The following TUBGCP3 variants were observed in gnomAD, a reference collection of about 807,000 sequenced individuals.
TUBGCP3 encodes the protein gamma-tubulin complex component 3.
A neutral mutation model predicts 123.1 loss-of-function variants in TUBGCP3; 50 were observed. The observed-to-expected ratio is 0.41, with a 90% confidence interval of 0.32 to 0.51. The LOEUF (loss-of-function observed/expected upper bound fraction) is 0.51. TUBGCP3 is among the 20% of genes least tolerant of loss of function. TUBGCP3 has a pLI of 0.36. For synonymous variants in TUBGCP3, 405 were observed against 413.9 expected (o/e 0.98, Z 0.26); for missense variants, 882 against 1,127.0 (o/e 0.78, Z 3.11).
chr13:112,530,980 C>G (rs1877526135), intron 11 of TUBGCP3, among the ~76,000 whole-genome samples: 1 of 152,172 alleles, frequency 6.6e-6, no homozygotes, highest in Non-Finnish European at 1.5e-5. Context: ...TCAAGTAATT[C>G]TAGCCAAATA....
intron 3 of TUBGCP3, 83 bp downstream of exon 3, chr13:112,565,028 C>T: frequency 8.2e-7 from 1 of 1,212,728 alleles, no homozygotes; most frequent in Non-Finnish European, 1.1e-6. Flanking sequence ...AATATGATAC[C>T]ACAAAAAACA....
At chr13:112,539,538 T>C (rs1271254147) in intron 11 of TUBGCP3, among the ~76,000 whole-genome samples, 2 of 152,230 alleles carry the variant, frequency 1.3e-5, no homozygotes, top group Non-Finnish European at 2.9e-5. Context: ...GCAAAATTAG[T>C]GAAGCAAACA....
At chr13:112,497,054 G>A (rs1880578552) in intron 20 of TUBGCP3, among the ~76,000 whole-genome samples, 1 of 152,170 alleles carries the variant, frequency 6.6e-6, no homozygotes, top group African/African-American at 2.4e-5. Flanking sequence ...CTCTAGAAGG[G>A]AAGCTTCTTG....
chr13:112,562,619 A>C (rs1594205514), intron 3 of TUBGCP3, among the ~76,000 whole-genome samples: 1 of 152,254 alleles, frequency 6.6e-6, no homozygotes, highest in South Asian at 2.1e-4. Context: ...GAGAGCACAG[A>C]GTGGGCAGGA....
chr13:112,558,910 G>C lies in TUBGCP3; in HGVS notation c.330+412C>G, dbSNP rs374285750. Among the ~76,000 whole-genome samples the C allele has an allele frequency of 1.7e-4, 26 of 152,242 alleles. 1 individual carries two copies. The East Asian group carries it at 2.3e-3, about 14-fold the overall frequency. On this transcript the variant is annotated intron_variant, in intron 4 of 21. Coordinates refer to ENST00000261965, the MANE Select transcript of TUBGCP3 (RefSeq NM_006322.6). ...CTGGAATCACTCTGACATACTGCAG[G>C]GGACAGACACTGAGCCCGGTGATGA... is the stretch of plus-strand genomic sequence containing the variant.
chr13:112,499,787 G>A (rs377569952), intron 19 of TUBGCP3, among the ~76,000 whole-genome samples: 16 of 152,206 alleles, frequency 1.1e-4, no homozygotes, highest in East Asian at 5.8e-4. Flanking sequence ...GGTATCTTCC[G>A]TTCATTGCTT....
At chr13:112,559,735 G>T (rs2139233768) in intron 3 of TUBGCP3, among the ~76,000 whole-genome samples, 1 of 152,292 alleles carries the variant, frequency 6.6e-6, no homozygotes, top group Non-Finnish European at 1.5e-5. Flanking sequence ...CCGTAATTAT[G>T]AGACAAAGCC....
chr13:112,527,721 A>T (rs1171310922), intron 11 of TUBGCP3, among the ~76,000 whole-genome samples: 1 of 152,202 alleles, frequency 6.6e-6, no homozygotes, highest in Non-Finnish European at 1.5e-5. Flanking sequence ...TTCCTTGGAG[A>T]TTCAGAATGT....
At position 112,544,505 on chromosome 13, in the gene TUBGCP3, C is replaced by T. The variant is rs1485625258; in HGVS notation, c.1335+1194G>A. ...CATCCCCACAACCCAGCAATCCCACCTCCCAGAACCCACGTTAGAGAAACT... is the reference window on the plus strand; with the variant it reads ...CATCCCCACAACCCAGCAATCCCACTTCCCAGAACCCACGTTAGAGAAACT... On this transcript the variant is annotated intron_variant, in intron 11 of 21. Coordinates refer to ENST00000261965, the MANE Select transcript of TUBGCP3 (RefSeq NM_006322.6). 2.6e-5 allele frequency: 4 copies of T among 151,118 alleles called. No individual in the cohort carries two copies. The East Asian group carries it at 7.8e-4, about 29-fold the overall frequency. 9.4% of individuals were successfully genotyped at this position (151,118 alleles called of 1,614,324 possible).
chr13:112,556,399 C>G (rs1218286741), intron 5 of TUBGCP3, among the ~76,000 whole-genome samples, 175 bp from the exon 6 acceptor site: 2 of 152,108 alleles, frequency 1.3e-5, no homozygotes, highest in Admixed American at 1.3e-4. Flanking sequence ...GTCCCAAGTC[C>G]CTTGAACTTG....
At chr13:112,489,552 G>C (rs1879933292) in intron 21 of TUBGCP3, 29 bp downstream of exon 21, 1 of 1,480,746 alleles carries the variant, frequency 6.8e-7, no homozygotes. Context: ...AGAGTGGTGT[G>C]AAGAGCCACT....
intron 3 of TUBGCP3, 62 bp downstream of exon 3, chr13:112,565,049 C>A: frequency 7.1e-7 from 1 of 1,409,364 alleles, no homozygotes; most frequent in Non-Finnish European, 9.8e-7. Flanking sequence ...TTCAAAGGTT[C>A]CTATACCACT....
At chr13:112,578,849 A>G (rs1395405705) in intron 1 of TUBGCP3, among the ~76,000 whole-genome samples, 4 of 152,110 alleles carry the variant, frequency 2.6e-5, no homozygotes, top group Admixed American at 2.6e-4. Context: ...CACCCCCACG[A>G]CCTGGTGTTG....
At chr13:112,556,418 T>TCCTTGAC (rs1301931859) in intron 5 of TUBGCP3, among the ~76,000 whole-genome samples, 194 bp from the exon 6 acceptor site, 2 of 152,188 alleles carry the variant, frequency 1.3e-5, no homozygotes, top group Non-Finnish European at 2.9e-5. Flanking sequence ...TGGTCAAGCC[T>TCCTTGAC]CCTTGCGACC....
chr13:112,499,043 A>G lies in TUBGCP3; in HGVS notation c.2448+2T>C. 6.2e-7 allele frequency: 1 copy of G among 1,614,160 alleles called. No homozygotes were observed. Reference sequence around the variant, plus strand: ...ATAAATTCACAAGTGTAAAGACCATACCTCAATTTCACGCTGTTTCTTTTT... The same window carrying G: ...ATAAATTCACAAGTGTAAAGACCATGCCTCAATTTCACGCTGTTTCTTTTT... On this transcript the variant is annotated splice_donor_variant, in intron 20 of 21. Coordinates refer to ENST00000261965, the MANE Select transcript of TUBGCP3 (RefSeq NM_006322.6). LOFTEE classifies it high-confidence loss of function.
chr13:112,506,420 C>T lies in TUBGCP3; in HGVS notation c.2087-1706G>A, dbSNP rs768666211. On this transcript the variant is annotated intron_variant, in intron 17 of 21. Transcript: ENST00000261965. ...TTACAACTCTGCAAAGAATCCTCAG[C>T]GCTCCTTACATGGCTCCGCAGACAG... 2.0e-5 allele frequency among the ~76,000 whole-genome samples: 3 copies of T among 152,208 alleles called. No individual in the cohort carries two copies. The South Asian group carries it at 6.2e-4, about 31-fold the overall frequency.
At chr13:112,505,761 C>T (rs930488415) in intron 17 of TUBGCP3, among the ~76,000 whole-genome samples, 3 of 152,180 alleles carry the variant, frequency 2.0e-5, no homozygotes, top group Admixed American at 6.5e-5. Flanking sequence ...GCATGAAATA[C>T]ATATGTGAAT....
intron 10 of TUBGCP3, chr13:112,547,264 G>A: frequency 2.5e-6 from 1 of 397,948 alleles, no homozygotes; most frequent in Non-Finnish European, 4.4e-6. Flanking sequence ...GACCACACAA[G>A]AGAGAAATCT....
In TUBGCP3 at chr13:112,516,703, T is replaced by C. The variant is rs919816530; in HGVS notation, c.1951-128A>G. ...ATAATAGGCAGCATGCTAAGTAAAG[T>C]CACAGTAACAGAAGGCAGGCATTTT... On this transcript the variant is annotated intron_variant, in intron 16 of 21. Transcript: ENST00000261965. 3 of 1,150,200 alleles carry C rather than the reference T, an allele frequency of 2.6e-6. No individual in the cohort carries two copies. The African/African-American group carries it at 4.7e-5, about 18-fold the overall frequency. The allele number at this position is 1,150,200 out of a possible 1,614,324, so 71.2% of individuals were successfully genotyped here.
Sources: gnomAD v4.1 joint callset for allele counts (sites outside exome capture counted in the v4.1 genomes callset) on GRCh38, gnomAD v4.1.1 for gene constraint, MANE v1.5 for transcripts, NCBI Gene and HGNC (gene_info 2026-07-23, HGNC 2026-07-21) for gene names.